FGF13: variants seen among roughly 807,000 people sequenced by gnomAD.
FGF13 encodes fibroblast growth factor 13.
A neutral mutation model predicts 19.5 loss-of-function variants in FGF13; 2 were observed. That is an observed-to-expected ratio of 0.10 (90% CI 0.04 to 0.32). The LOEUF (loss-of-function observed/expected upper bound fraction) is 0.32. Ranked by LOEUF, FGF13 falls within the 10% of genes least tolerant of loss-of-function variation. The pLI is 1.00. For missense variants in FGF13, 113 were observed against 192.7 expected (o/e 0.59, Z 2.45); for synonymous variants, 72 against 76.9 (o/e 0.94, Z 0.33).
intron 3 of FGF13, among the ~76,000 whole-genome samples, chrX:138,653,493 A>T (rs1308786515): frequency 8.9e-6 from 1 of 112,047 alleles, no homozygotes; most frequent in African/African-American, 3.2e-5. Flanking sequence ...TTAAATTATA[A>T]ATTACACTTT....
chrX:138,795,351 T>C (rs962700125), intron 3 of FGF13, among the ~76,000 whole-genome samples: 1 of 112,547 alleles, frequency 8.9e-6, no homozygotes, highest in Non-Finnish European at 1.9e-5. Context: ...AAAACAGTGC[T>C]AAAATACACA....
intron 2 of FGF13, among the ~76,000 whole-genome samples, chrX:138,708,464 G>A (rs1051229228): frequency 1.8e-5 from 2 of 111,908 alleles, no homozygotes; most frequent in African/African-American, 6.5e-5. Context: ...GGTTAAGACC[G>A]GTTCTTAAGA....
chrX:138,874,155 A>AAT (rs746792067), intron 1 of FGF13, among the ~76,000 whole-genome samples: 5,844 of 98,056 alleles, frequency 0.06, 363 homozygotes, highest in African/African-American at 0.17. Flanking sequence ...AAGTATAATA[A>AAT]ATATATATAT....
intron 1 of FGF13, among the ~76,000 whole-genome samples, chrX:138,733,937 T>C (rs1452887336): frequency 9.0e-6 from 1 of 110,969 alleles, no homozygotes; most frequent in Non-Finnish European, 1.9e-5. Flanking sequence ...TTTGGAGTAC[T>C]AAGATATATA....
intron 3 of FGF13, among the ~76,000 whole-genome samples, chrX:138,750,492 G>A (rs1351443443): frequency 9.0e-6 from 1 of 110,625 alleles, no homozygotes; most frequent in African/African-American, 3.3e-5. Flanking sequence ...TGTAAATGGG[G>A]GGGTGGGCTT....
intron 3 of FGF13, among the ~76,000 whole-genome samples, chrX:138,831,978 C>T (rs945852012): frequency 4.5e-5 from 5 of 111,751 alleles, no homozygotes; most frequent in Non-Finnish European, 9.4e-5. Flanking sequence ...AGGATAATGG[C>T]CTCCAGCTCC....
chrX:139,112,442 T>A (rs1204632642), intron 1 of FGF13, among the ~76,000 whole-genome samples: 1 of 111,893 alleles, frequency 8.9e-6, no homozygotes, highest in African/African-American at 3.2e-5. Flanking sequence ...ATTCAATGAT[T>A]TTTCATATTA....
At chrX:138,946,504 A>G (rs2124280661) in intron 1 of FGF13, among the ~76,000 whole-genome samples, 1 of 112,271 alleles carries the variant, frequency 8.9e-6, no homozygotes, top group South Asian at 3.7e-4. Flanking sequence ...GTGATCAAAG[A>G]TGTGGGAGTT....
chrX:138,743,578 C>G (rs2090334043), upstream of FGF13, among the ~76,000 whole-genome samples: 1 of 111,308 alleles, frequency 9.0e-6, no homozygotes, highest in Non-Finnish European at 1.9e-5. Context: ...AACAAATGTA[C>G]CACTCCAGTG....
chrX:139,087,375 A>T (rs192049576), intron 1 of FGF13, among the ~76,000 whole-genome samples: 62 of 111,860 alleles, frequency 5.5e-4, no homozygotes, highest in African/African-American at 2.0e-3. Context: ...ACAGATTTAG[A>T]ATTCAAGTGT....
intron 1 of FGF13, among the ~76,000 whole-genome samples, chrX:139,000,927 T>G (rs1603113847): frequency 9.0e-6 from 1 of 111,654 alleles, no homozygotes; most frequent in South Asian, 3.8e-4. Context: ...CTACCTGACT[T>G]CAAACTATAC....
At chrX:139,117,931 T>C (rs2083650685) in intron 1 of FGF13, among the ~76,000 whole-genome samples, 1 of 111,681 alleles carries the variant, frequency 9.0e-6, no homozygotes, top group Non-Finnish European at 1.9e-5. Context: ...AAGCTGGGGC[T>C]AGGCGTAGGG....
At chrX:138,761,158 G>C (rs190820657) in intron 3 of FGF13, among the ~76,000 whole-genome samples, 1 of 111,868 alleles carries the variant, frequency 8.9e-6, no homozygotes, top group East Asian at 2.8e-4. Context: ...AAATGTGCCT[G>C]AAAGAACTTC....
At chrX:138,893,495 A>T (rs149542387) in intron 1 of FGF13, among the ~76,000 whole-genome samples, 4,672 of 110,866 alleles carry the variant, frequency 0.042, 270 homozygotes, top group African/African-American at 0.14. Context: ...GAGAGATGAA[A>T]TGACTTGCCC....
intron 1 of FGF13, among the ~76,000 whole-genome samples, chrX:139,008,409 C>T (rs2092113397): frequency 8.9e-6 from 1 of 112,478 alleles, no homozygotes; most frequent in Non-Finnish European, 1.9e-5. Context: ...GCACACTAAA[C>T]AAAAACAACC....
intron 3 of FGF13, among the ~76,000 whole-genome samples, chrX:138,779,594 C>T (rs1239317140): frequency 1.3e-4 from 14 of 109,142 alleles, no homozygotes; most frequent in Non-Finnish European, 2.3e-4. Flanking sequence ...TGAAATGAAG[C>T]GAGAAGGGAA....
chrX:139,155,613 T>A (rs1481475411), intron 1 of FGF13, among the ~76,000 whole-genome samples: 2 of 112,106 alleles, frequency 1.8e-5, no homozygotes. Context: ...CATTCTAGGG[T>A]AGGGACTGTA....
chrX:139,003,455 G>C (rs907843490), intron 1 of FGF13, among the ~76,000 whole-genome samples: 35 of 111,922 alleles, frequency 3.1e-4, no homozygotes, highest in Non-Finnish European at 5.1e-4. Flanking sequence ...CGAACGTGTT[G>C]CCAATGCTGG....
intron 3 of FGF13, among the ~76,000 whole-genome samples, chrX:138,812,228 C>T (rs765900369): frequency 1.8e-5 from 2 of 111,751 alleles, no homozygotes; most frequent in South Asian, 7.5e-4. Context: ...TATCCATTTG[C>T]GGCATGCATA....
Sources: gnomAD v4.1 joint callset for allele counts (sites outside exome capture counted in the v4.1 genomes callset) on GRCh38, gnomAD v4.1.1 for gene constraint, MANE v1.5 for transcripts, NCBI Gene and HGNC (gene_info 2026-07-23, HGNC 2026-07-21) for gene names.